The following GRM8 variants were observed in gnomAD, a reference collection of about 807,000 sequenced individuals.
GRM8 encodes the protein metabotropic glutamate receptor 8.
Under a neutral mutation model 87.2 loss-of-function variants are expected in GRM8, and 47 were observed. The ratio of observed to expected loss-of-function variants is 0.54; its 90% CI spans 0.43 to 0.69. The LOEUF (loss-of-function observed/expected upper bound fraction) is 0.69. GRM8 is among the 30% of genes least tolerant of loss of function. GRM8 has a pLI of 0.00. For synonymous variants in GRM8, 396 were observed against 404.5 expected, an observed-to-expected ratio of 0.98 and a Z score of 0.25; for missense variants, 1,019 against 1,139.2, an observed-to-expected ratio of 0.89 and a Z score of 1.52.
At chr7:127,060,966 T>C (rs1296563154) in intron 3 of GRM8, among the ~76,000 whole-genome samples, 1 of 152,170 alleles carries the variant, frequency 6.6e-6, no homozygotes, top group Non-Finnish European at 1.5e-5. Flanking sequence ...TCCAGTTATA[T>C]AGTGATAGGG....
At chr7:126,654,329 T>G (rs1804264112) in intron 7 of GRM8, among the ~76,000 whole-genome samples, 1 of 152,150 alleles carries the variant, frequency 6.6e-6, no homozygotes, top group Non-Finnish European at 1.5e-5. Context: ...AAACTTAACC[T>G]CTCTGGGCTT....
intron 3 of GRM8, among the ~76,000 whole-genome samples, chr7:126,914,804 C>T (rs1484290132): frequency 6.6e-6 from 1 of 152,112 alleles, no homozygotes; most frequent in African/African-American, 2.4e-5. Flanking sequence ...TAAAAACTTC[C>T]TATTGGGTAC....
chr7:126,705,626 G>A (rs1208774584), intron 7 of GRM8, among the ~76,000 whole-genome samples: 1 of 151,900 alleles, frequency 6.6e-6, no homozygotes, highest in Non-Finnish European at 1.5e-5. Context: ...TAAAAAGTTA[G>A]GTTAATATAC....
At chr7:127,098,816 T>A (rs1272468072) in intron 3 of GRM8, among the ~76,000 whole-genome samples, 1 of 152,132 alleles carries the variant, frequency 6.6e-6, no homozygotes, top group Non-Finnish European at 1.5e-5. Context: ...CAGAATCAGG[T>A]CTATTCTGCC....
At chr7:126,637,601 C>A (rs1402921117) in intron 7 of GRM8, among the ~76,000 whole-genome samples, 1 of 152,126 alleles carries the variant, frequency 6.6e-6, no homozygotes, top group Non-Finnish European at 1.5e-5. Flanking sequence ...TCTCCTTGCA[C>A]AAAATATTAC....
intron 6 of GRM8, among the ~76,000 whole-genome samples, chr7:126,851,424 C>T (rs963143908): frequency 1.9e-4 from 29 of 152,272 alleles, no homozygotes; most frequent in African/African-American, 6.5e-4. Context: ...TCATGCCACC[C>T]ATCTGTGGAA....
In GRM8 at chr7:127,128,652, G is replaced by T. The variant is rs953088196; in HGVS notation, c.511-21940C>A. 3.4e-4 allele frequency among the ~76,000 whole-genome samples: 52 copies of T among 152,040 alleles called. 1 individual carries two copies. The highest frequency in any genetic ancestry group is 1.2e-3 in the African/African-American group (51 of 41,400). ...AGATATCATTATCTCTACTTTATAG[G>T]TAAGAAAACTGAGACTTGAAAGTTA... is the stretch of plus-strand genomic sequence containing the variant. On this transcript the variant is annotated intron_variant, in intron 2 of 10. Transcript: ENST00000339582.
intron 2 of GRM8, among the ~76,000 whole-genome samples, chr7:127,142,796 C>T (rs1828349367): frequency 6.6e-6 from 1 of 151,988 alleles, no homozygotes; most frequent in African/African-American, 2.4e-5. Context: ...TACCATGTGC[C>T]AAGTACTTCT....
chr7:126,784,267 A>C (rs1365636625), intron 6 of GRM8, among the ~76,000 whole-genome samples: 2 of 152,234 alleles, frequency 1.3e-5, no homozygotes, highest in African/African-American at 4.8e-5. Context: ...AAACAAAAAA[A>C]AATTGAAAAC....
intron 3 of GRM8, among the ~76,000 whole-genome samples, chr7:127,050,719 C>A (rs1395149363): frequency 1.3e-5 from 2 of 152,164 alleles, no homozygotes; most frequent in Non-Finnish European, 2.9e-5. Flanking sequence ...AACTCTGCAA[C>A]TTTTGCAGAG....
At position 126,685,225 on chromosome 7, in the gene GRM8, C is replaced by T. The variant is rs376042862; in HGVS notation, c.1358-75727G>A. The stretch of plus-strand genomic sequence containing the variant: ...TGGGGGACCCCCTGGAGCCTACCAC[C>T]CTGGGGGCCACCATGATGGGGCCGG... On this transcript the variant is annotated intron_variant, in intron 7 of 10. Coordinates refer to ENST00000339582, the MANE Select transcript of GRM8 (RefSeq NM_000845.3). The surrounding 1 kb of genome is among the most constrained non-coding windows in gnomAD (Gnocchi z 4.2). Among the ~76,000 whole-genome samples the T allele has an allele frequency of 1.3e-5, 2 of 152,188 alleles. No homozygotes were observed. The highest frequency in any genetic ancestry group is 2.9e-5 in the Non-Finnish European group (2 of 68,022).
intron 8 of GRM8, among the ~76,000 whole-genome samples, chr7:126,583,229 G>A (rs180817876): frequency 1.9e-4 from 29 of 152,052 alleles, no homozygotes; most frequent in African/African-American, 4.3e-4. Context: ...GGTCATGCGC[G>A]CCTGTAGTCC....
chr7:127,086,706 G>A (rs1256185009), intron 3 of GRM8, among the ~76,000 whole-genome samples: 2 of 152,218 alleles, frequency 1.3e-5, no homozygotes, highest in African/African-American at 4.8e-5. Flanking sequence ...AAGGGCAACT[G>A]TTGTGTCCGT....
intron 7 of GRM8, among the ~76,000 whole-genome samples, chr7:126,700,731 T>G (rs1274159278): frequency 6.6e-6 from 1 of 152,122 alleles, no homozygotes; most frequent in East Asian, 1.9e-4. Context: ...ACATATATTT[T>G]TAAGTTACAT....
chr7:127,087,813 AAAAT>A (rs1328885030), intron 3 of GRM8, among the ~76,000 whole-genome samples: 1 of 152,220 alleles, frequency 6.6e-6, no homozygotes, highest in East Asian at 1.9e-4. Context: ...TTAAAATTTT[AAAAT>A]AAAGAAGTGG....
At chr7:126,939,638 G>A (rs1806699288) in intron 3 of GRM8, among the ~76,000 whole-genome samples, 1 of 152,184 alleles carries the variant, frequency 6.6e-6, no homozygotes, top group Non-Finnish European at 1.5e-5. Flanking sequence ...AGACCCACTG[G>A]TTGTAGGGTA....
intron 7 of GRM8, among the ~76,000 whole-genome samples, chr7:126,617,801 C>T (rs1051247304): frequency 6.6e-5 from 10 of 152,096 alleles, no homozygotes; most frequent in African/African-American, 2.2e-4. Context: ...AATAAAATAC[C>T]TAGGAATCCA....
At chr7:126,951,662 T>C (rs1348737548) in intron 3 of GRM8, among the ~76,000 whole-genome samples, 2 of 152,100 alleles carry the variant, frequency 1.3e-5, no homozygotes, top group Non-Finnish European at 2.9e-5. Flanking sequence ...CGCAGGGGCA[T>C]AGGATAGCAA....
chr7:127,241,426 CTT>C (rs566986158), intron 2 of GRM8, among the ~76,000 whole-genome samples: 1 of 145,052 alleles, frequency 6.9e-6, no homozygotes, highest in African/African-American at 2.6e-5. Context: ...TGCATAGGAC[CTT>C]TTTTTTTTCT....
Sources: allele counts gnomAD v4.1 joint callset (sites outside exome capture counted in the v4.1 genomes callset), GRCh38; gene constraint gnomAD v4.1.1; non-coding constraint Gnocchi (gnomAD v3.1); transcripts MANE v1.5; gene names NCBI Gene and HGNC (gene_info 2026-07-23, HGNC 2026-07-21).